TRPM3: variants seen among roughly 807,000 people sequenced by gnomAD.
The protein encoded by TRPM3 is long transient receptor potential channel 3.
TRPM3 carries 77 observed loss-of-function variants against 181.2 expected under a neutral mutation model. The ratio of observed to expected loss-of-function variants is 0.42; its 90% CI spans 0.35 to 0.51. The LOEUF (loss-of-function observed/expected upper bound fraction) is 0.51, where lower values mean the gene tolerates loss of function less well. TRPM3 is among the 20% of genes least tolerant of loss of function. TRPM3 has a pLI of 0.01. For synonymous variants in TRPM3, 745 were observed against 796.4 expected (o/e 0.94, Z 1.09); for missense variants, 1,759 against 2,196.7 (o/e 0.80, Z 3.98).
chr9:71,353,619 T>G (rs2091764198), intron 1 of TRPM3, among the ~76,000 whole-genome samples: 1 of 152,196 alleles, frequency 6.6e-6, no homozygotes, highest in Non-Finnish European at 1.5e-5. Flanking sequence ...AGAAAACACT[T>G]AGAATAGTGT....
chr9:71,193,978 T>C (rs2078186845), intron 1 of TRPM3, among the ~76,000 whole-genome samples: 1 of 151,968 alleles, frequency 6.6e-6, no homozygotes, highest in Non-Finnish European at 1.5e-5. Flanking sequence ...AAAATAAATA[T>C]GCATACACAT....
chr9:71,093,712 T>C (rs1165087136), intron 1 of TRPM3, among the ~76,000 whole-genome samples: 2 of 152,140 alleles, frequency 1.3e-5, no homozygotes, highest in African/African-American at 2.4e-5. Context: ...AGAAATACCA[T>C]TTGACCCAGC....
At chr9:70,548,931 ACTATTT>A (rs2131803097) in intron 25 of TRPM3, among the ~76,000 whole-genome samples, 1 of 152,138 alleles carries the variant, frequency 6.6e-6, no homozygotes, top group East Asian at 1.9e-4. Context: ...TGCTGGCTAT[ACTATTT>A]GGCCCATGAG....
At chr9:71,092,512 G>A (rs949984420) in intron 1 of TRPM3, among the ~76,000 whole-genome samples, 8 of 151,886 alleles carry the variant, frequency 5.3e-5, no homozygotes, top group Non-Finnish European at 1.0e-4. Flanking sequence ...TTAATAAATT[G>A]TAAAATTAAC....
chr9:71,389,944 T>C (rs776046201), intron 1 of TRPM3, among the ~76,000 whole-genome samples: 21 of 152,184 alleles, frequency 1.4e-4, no homozygotes, highest in South Asian at 1.0e-3. Flanking sequence ...ATACTACCTG[T>C]ACCCCAATAA....
chr9:71,333,889 T>A (rs934871731), intron 1 of TRPM3, among the ~76,000 whole-genome samples: 1 of 151,910 alleles, frequency 6.6e-6, no homozygotes, highest in African/African-American at 2.4e-5. Flanking sequence ...CTATTTAAGT[T>A]GAAAACCAAT....
Position 70,958,335 on chromosome 9 carries a change from C to T in TRPM3, c.178-93824G>A, listed in dbSNP as rs558578120. Among the ~76,000 whole-genome samples, 4 of 109,540 alleles carry T rather than the reference C, an allele frequency of 3.7e-5. No homozygotes were observed. In the South Asian group the frequency reaches 1.2e-3, roughly 33 times the overall value. 71.9% of individuals were successfully genotyped at this position (109,540 alleles called of 152,430 possible). On this transcript the variant is annotated intron_variant, in intron 1 of 25. Transcript: ENST00000677713. ...GATTATAATAATAATACTATGCTCACAGTATTTTTAAAGTACAAATGGCTT... is the reference window on the plus strand; with the variant it reads ...GATTATAATAATAATACTATGCTCATAGTATTTTTAAAGTACAAATGGCTT...
chr9:70,692,347 C>T (rs1350955805), intron 8 of TRPM3, among the ~76,000 whole-genome samples: 1 of 152,098 alleles, frequency 6.6e-6, no homozygotes, highest in African/African-American at 2.4e-5. Flanking sequence ...ATGTATGAGT[C>T]CTGTTCTATA....
intron 6 of TRPM3, among the ~76,000 whole-genome samples, chr9:70,806,354 C>G (rs1446618449): frequency 6.6e-6 from 1 of 152,134 alleles, no homozygotes; most frequent in Non-Finnish European, 1.5e-5. Flanking sequence ...CCTCATTTGC[C>G]TCAGGGGCTC....
chr9:70,970,300 T>A (rs1455442681), intron 1 of TRPM3, among the ~76,000 whole-genome samples: 2 of 152,184 alleles, frequency 1.3e-5, no homozygotes, highest in Non-Finnish European at 2.9e-5. Context: ...GGAGGTTGGG[T>A]AAATCAAGAG....
chr9:71,006,025 A>G (rs1477188129), intron 1 of TRPM3, among the ~76,000 whole-genome samples: 1 of 152,174 alleles, frequency 6.6e-6, no homozygotes, highest in African/African-American at 2.4e-5. Flanking sequence ...AAAAAGTCAA[A>G]ATGTGAGGAG....
chr9:70,872,641 T>C (rs571641031), intron 1 of TRPM3, among the ~76,000 whole-genome samples: 46 of 152,106 alleles, frequency 3.0e-4, no homozygotes, highest in African/African-American at 9.9e-4. Context: ...TTTTTGTCTG[T>C]GTCCCCCACT....
intron 5 of TRPM3, among the ~76,000 whole-genome samples, chr9:70,835,325 C>T (rs1218273154): frequency 2.0e-5 from 3 of 147,980 alleles, no homozygotes; most frequent in Non-Finnish European, 4.5e-5. Flanking sequence ...TTTTTTTTTA[C>T]GTAACAATAG....
intron 19 of TRPM3, among the ~76,000 whole-genome samples, chr9:70,603,819 C>T (rs1374263367): frequency 2.0e-5 from 3 of 152,084 alleles, no homozygotes; most frequent in Admixed American, 6.5e-5. Context: ...CTTGCTCAGG[C>T]GTGGACCTTA....
chr9:70,843,610 C>T lies in TRPM3; in HGVS notation c.677-483G>A, dbSNP rs1468770365. Among the ~76,000 whole-genome samples, 5 of 152,180 alleles carry T rather than the reference C, an allele frequency of 3.3e-5. 1 individual carries two copies. The South Asian group carries it at 1.0e-3, about 32-fold the overall frequency. On this transcript the variant is annotated intron_variant, in intron 4 of 25. Coordinates refer to ENST00000677713, the MANE Select transcript of TRPM3 (RefSeq NM_001366145.2). Reference sequence around the variant, plus strand: ...GAGATTTTGTTAACCTTTATGAGAACCTACTCGTAAAGACAATGTTGGATT... The same window carrying T: ...GAGATTTTGTTAACCTTTATGAGAATCTACTCGTAAAGACAATGTTGGATT...
chr9:71,289,374 A>G (rs1407144654), intron 1 of TRPM3, among the ~76,000 whole-genome samples: 1 of 152,212 alleles, frequency 6.6e-6, no homozygotes. Flanking sequence ...AGTAGAAATC[A>G]GAACCTCCAT....
chr9:70,560,989 C>T (rs1177101163), intron 22 of TRPM3, among the ~76,000 whole-genome samples: 2 of 152,094 alleles, frequency 1.3e-5, no homozygotes, highest in Non-Finnish European at 2.9e-5. Flanking sequence ...AAATGGAACA[C>T]CAATGTTTGA....
At chr9:71,331,862 GA>G (rs2090187124) in intron 1 of TRPM3, among the ~76,000 whole-genome samples, 1 of 16,590 alleles carries the variant, frequency 6.0e-5, no homozygotes, top group African/African-American at 3.2e-4. Flanking sequence ...AGAGGAGACG[GA>G]GGAGGAGGAA....
intron 1 of TRPM3, among the ~76,000 whole-genome samples, chr9:71,387,589 AG>A (rs1359178809): frequency 6.6e-6 from 1 of 152,306 alleles, no homozygotes; most frequent in East Asian, 1.9e-4. Context: ...TTGTTGGCAA[AG>A]TAGGAAGAAA....
Sources: gnomAD v4.1 joint callset for allele counts (sites outside exome capture counted in the v4.1 genomes callset) on GRCh38, gnomAD v4.1.1 for gene constraint, MANE v1.5 for transcripts, NCBI Gene and HGNC (gene_info 2026-07-23, HGNC 2026-07-21) for gene names.